PKD1: variants seen among roughly 807,000 people sequenced by gnomAD.
PKD1 encodes the protein polycystin-1.
In PKD1, 81 loss-of-function variants were observed where a neutral mutation model predicts 361.7. The ratio of observed to expected loss-of-function variants is 0.22; its 90% CI spans 0.19 to 0.27. The LOEUF is 0.27. PKD1 is among the 10% of genes least tolerant of loss of function. The pLI is 1.00. For missense variants in PKD1, 6,399 were observed against 6,118.3 expected, an observed-to-expected ratio of 1.05 and a Z score of -1.53; for synonymous variants, 3,615 against 2,818.3, an observed-to-expected ratio of 1.28 and a Z score of -8.95.
At position 2,091,904 on chromosome 16, in the gene PKD1, G is replaced by A. The variant is rs557630487; in HGVS notation, c.11414C>T (p.Ala3805Val). Residue 3805 changes from alanine (A) to valine (V), a missense_variant and splice_region_variant, in exon 41 of 46, where the codon GCA (alanine) becomes GTA (valine). Coordinates refer to ENST00000262304, the MANE Select transcript of PKD1 (RefSeq NM_001009944.3). ...CACGGCACAGGAGCCCCAGGACCAT[G>A]CCCTGCCGGAGAGGGGTGGCGTGGG... ...WAYSAPDLLGAWSWGSCAVYD... is the reference protein window; with the variant it reads ...WAYSAPDLLGVWSWGSCAVYD... 1 of 1,611,556 alleles carries A rather than the reference G, an allele frequency of 6.2e-7. No homozygotes were observed. Among genetic ancestry groups the A allele is most frequent in the East Asian group, 2.2e-5 (1 of 44,868 alleles).
At chr16:2,129,408 G>A (rs547213410) in intron 1 of PKD1, among the ~76,000 whole-genome samples, 40 of 152,008 alleles carry the variant, frequency 2.6e-4, no homozygotes, top group South Asian at 1.0e-3. Flanking sequence ...GATTACAGGC[G>A]TGAGGCACCG....
At position 2,103,378 on chromosome 16, in the gene PKD1, G is replaced by A. The variant is rs114143642; in HGVS notation, c.8679C>T (p.Ser2893=). Residue 2893 remains serine (S), a synonymous_variant, in exon 23 of 46, where the codon TCC becomes TCT. Coordinates refer to ENST00000262304, the MANE Select transcript of PKD1 (RefSeq NM_001009944.3). ...GGGGCTGGACCACAACGGAGTTGGC[G>A]GAGTTGGCGGAGCTGCGGTGGCCCC... ...AARGHRSSAN[S]ANSVVVQPQA... 24 of 1,601,574 alleles carry A rather than the reference G, an allele frequency of 1.5e-5. No individual in the cohort carries two copies. The highest frequency in any genetic ancestry group is 8.3e-5 in the Admixed American group (5 of 59,998).
rs572889542 is a variant in PKD1, at chr16:2,110,226, G to A, written c.4941C>T (p.Asn1647=). 60 of 1,612,118 alleles carry A rather than the reference G, an allele frequency of 3.7e-5. No homozygotes were observed. The East Asian group carries it at 1.3e-3, about 34-fold the overall frequency. The part of the protein sequence containing the change: ...VVGGGRYFPT[N]HTVQLQAVVR... ...CCACGGCCTGCAGCTGTACCGTGTGGTTGGTGGGGAAGTAGCGGCCACCGC... is the reference window on the plus strand; with the variant it reads ...CCACGGCCTGCAGCTGTACCGTGTGATTGGTGGGGAAGTAGCGGCCACCGC... Residue 1647 remains asparagine, a synonymous_variant, in exon 15 of 46, where the codon AAC becomes AAT. Transcript: ENST00000262304.
chr16:2,123,400 G>A lies in PKD1; in HGVS notation c.216-4022C>T, dbSNP rs192877685. 3.9e-3 allele frequency: 1,776 copies of A among 454,494 alleles called. 29 individuals carry two copies. The highest frequency in any genetic ancestry group is 0.033 in the African/African-American group (1,630 of 50,110). The allele number at this position is 454,494 out of a possible 1,614,324, so 28.2% of individuals were successfully genotyped here. On this transcript the variant is annotated intron_variant, in intron 1 of 45. Coordinates refer to ENST00000262304, the MANE Select transcript of PKD1 (RefSeq NM_001009944.3). Reference sequence around the variant, plus strand: ...CCCTGGGTGTGGAAGCATCTGCCCTGGGCAGGACTCAGGTGTGGGCTTCAG... The same window carrying A: ...CCCTGGGTGTGGAAGCATCTGCCCTAGGCAGGACTCAGGTGTGGGCTTCAG...
chr16:2,115,199 G>C (rs112391150), intron 10 of PKD1, 179 bp downstream of exon 10: 1 of 598,664 alleles, frequency 1.7e-6, no homozygotes. Flanking sequence ...GCCCAGGCGA[G>C]AGCTTCTCCC....
chr16:2,104,215 G>A (rs1380852340), intron 22 of PKD1, among the ~76,000 whole-genome samples: 2 of 30,014 alleles, frequency 6.7e-5, no homozygotes, highest in Admixed American at 5.3e-4. Context: ...GAGGGGAAGG[G>A]GGATGAGGGG....
At chr16:2,096,796 T>G in intron 34 of PKD1, 1 of 329,984 alleles carries the variant, frequency 3.0e-6, no homozygotes, top group Non-Finnish European at 5.8e-6. Context: ...GGATTACACG[T>G]GTGAGCCACC....
chr16:2,089,997 G>A lies in PKD1; in HGVS notation c.12642C>T (p.Arg4214=), dbSNP rs781028460. ...GCAGGGCCTCGAACACGGCTTGGAGGCGGGAGGGCTCAGGCTCACACCTTG... is the reference window on the plus strand; with the variant it reads ...GCAGGGCCTCGAACACGGCTTGGAGACGGGAGGGCTCAGGCTCACACCTTG... ...LGTRCEPEPS[R]LQAVFEALLT... Residue 4214 remains arginine (R), a synonymous_variant, in exon 46 of 46, where the codon CGC becomes CGT. Coordinates refer to ENST00000262304, the MANE Select transcript of PKD1 (RefSeq NM_001009944.3). 6 of 1,610,512 alleles carry A rather than the reference G, an allele frequency of 3.7e-6. No homozygotes were observed. The East Asian group carries it at 8.9e-5, about 24-fold the overall frequency.
intron 20 of PKD1, 179 bp from the exon 21 acceptor site, chr16:2,105,653 T>C (rs2092311725): frequency 6.8e-7 from 1 of 1,463,290 alleles, no homozygotes; most frequent in East Asian, 2.4e-5. Context: ...TGGGCCCTCC[T>C]GGGCGGGGGC....
In PKD1 at chr16:2,108,507, C is replaced by A. The variant is rs770764362; in HGVS notation, c.6660G>T (p.Arg2220=). 1.7e-5 allele frequency: 28 copies of A among 1,608,868 alleles called. No individual in the cohort carries two copies. Among genetic ancestry groups the A allele is most frequent in the Non-Finnish European group, 2.4e-5 (28 of 1,179,248 alleles). ...AGTAGTGCCCCACAGGCAGCGCCAG[C>A]CGCGGCAGCACCAGCCGAGGCCGGC... is the stretch of plus-strand genomic sequence containing the variant. ...DVSRPRLVLP[R]LALPVGHYCF... is the part of the protein sequence containing the mutation. The change falls in exon 15 of 46, where the codon CGG becomes CGT. Residue 2220 remains arginine (R), a synonymous_variant. Transcript: ENST00000262304.
At chr16:2,107,153 C>G in intron 16 of PKD1, 1 of 640,364 alleles carries the variant, frequency 1.6e-6, no homozygotes, top group Non-Finnish European at 2.8e-6. Context: ...GCAGAGGACA[C>G]TGGAGTGTGC....
rs547854563 is a variant in PKD1, at chr16:2,090,070, G to T, written c.12569C>A (p.Ser4190Tyr). ...GCTCAGCCCATCCAGCTGGCTGGAGGAGGTGGAGGGGTGCGAGGCATCGGA... is the reference window on the plus strand; with the variant it reads ...GCTCAGCCCATCCAGCTGGCTGGAGTAGGTGGAGGGGTGCGAGGCATCGGA... ...AGSDASHPST[S>Y]SSQLDGLSVS... The change falls in exon 46 of 46, where the codon TCC becomes TAC. Residue 4190 changes from serine to tyrosine, a missense_variant. Physicochemically the swap from Ser to Tyr is moderately radical, Grantham distance 144 (BLOSUM62 -2). Transcript: ENST00000262304. 1 of 1,610,866 alleles carries T rather than the reference G, an allele frequency of 6.2e-7. No homozygotes were observed. Among genetic ancestry groups the T allele is most frequent in the South Asian group, 1.1e-5 (1 of 91,038 alleles).
chr16:2,135,713 C>G lies in PKD1; in HGVS notation c.-24G>C, dbSNP rs1596636972. 3.2e-6 allele frequency: 3 copies of G among 932,076 alleles called. No homozygotes were observed. The highest frequency in any genetic ancestry group is 1.2e-4 in the East Asian group (1 of 8,520). 57.7% of individuals were successfully genotyped at this position (932,076 alleles called of 1,614,324 possible). On this transcript the variant is annotated 5_prime_UTR_variant, in exon 1 of 46. Transcript: ENST00000262304. ...ATCGTTAGGGCAGCGCGCGCATGGC[C>G]CCGCCGTCCCCAGGCCCGCCCGCGC...
chr16:2,093,876 C>A lies in PKD1; in HGVS notation c.10756G>T (p.Val3586Phe). The A allele has an allele frequency of 6.4e-7, 1 of 1,573,228 alleles. No homozygotes were observed. The highest frequency in any genetic ancestry group is 8.6e-7 in the Non-Finnish European group (1 of 1,165,328). The change falls in exon 36 of 46, where the codon GTT (valine) becomes TTT (phenylalanine). Residue 3586 changes from valine (V) to phenylalanine (F), a missense_variant. Coordinates refer to ENST00000262304, the MANE Select transcript of PKD1 (RefSeq NM_001009944.3). The stretch of plus-strand genomic sequence containing the variant: ...GCGCTGCTGGACAGGAGCCACGCAA[C>A]ACTCACGCCCGGGGGGAAGCTCGCA... The part of the protein sequence containing the change: ...VGASFPPGVS[V>F]AWLLSSSASF...
At chr16:2,123,861 G>C (rs565172461) in intron 1 of PKD1, among the ~76,000 whole-genome samples, 1 of 152,326 alleles carries the variant, frequency 6.6e-6, no homozygotes, top group East Asian at 1.9e-4. Flanking sequence ...CGAGGGCCAG[G>C]ATGTGCTCCC....
chr16:2,108,122 C>T, intron 15 of PKD1, 90 bp from the exon 16 acceptor site: 10 of 1,509,896 alleles, frequency 6.6e-6, no homozygotes, highest in Admixed American at 1.7e-5. Flanking sequence ...CGGGAGACCC[C>T]CTCCCCATGC....
At chr16:2,092,631 C>T (rs1482851594) in intron 38 of PKD1, 39 bp from the exon 39 acceptor site, 11 of 1,393,884 alleles carry the variant, frequency 7.9e-6, no homozygotes, top group Non-Finnish European at 1.0e-5. Context: ...CCCCTACTGC[C>T]CCATGCCCGC....
Position 2,108,537 on chromosome 16 carries a change from G to A in PKD1, c.6630C>T (p.Asp2210=), listed in dbSNP as rs375411943. Residue 2210 remains aspartate, a synonymous_variant, in exon 15 of 46, where the codon GAC becomes GAT. Transcript: ENST00000262304. The part of the protein sequence containing the change: ...RPARVALPGV[D]VSRPRLVLPR... ...GCAGCACCAGCCGAGGCCGGCTCAC[G>A]TCCACGCCGGGCAGGGCCACACGCG... The A allele has an allele frequency of 2.8e-5, 45 of 1,607,288 alleles. No homozygotes were observed. The highest frequency in any genetic ancestry group is 8.0e-5 in the African/African-American group (6 of 74,786).
chr16:2,105,365 A>C lies in PKD1; in HGVS notation c.7973T>G (p.Val2658Gly), dbSNP rs1177805073. 3.1e-6 allele frequency: 5 copies of C among 1,590,850 alleles called. No homozygotes were observed. The East Asian group carries it at 8.9e-5, about 28-fold the overall frequency. The change falls in exon 21 of 46, where the codon GTG becomes GGG. Residue 2658 changes from valine (V) to glycine (G), a missense_variant. Val to Gly is a moderately radical substitution (Grantham distance 109). Transcript: ENST00000262304. ...AGCAGCGATCTGCTGGATGTCATCC[A>C]CAGTGTGGACCCTCAGGGACACCAG... ...ETLVSLRVHT[V>G]DDIQQIAAAL...
Sources: allele counts gnomAD v4.1 joint callset (sites outside exome capture counted in the v4.1 genomes callset), GRCh38; gene constraint gnomAD v4.1.1; transcripts MANE v1.5; gene names NCBI Gene and HGNC (gene_info 2026-07-23, HGNC 2026-07-21).